The following FSTL5 variants were observed in gnomAD, a reference collection of about 807,000 sequenced individuals.
The protein encoded by FSTL5 is follistatin like 5.
In FSTL5, 62 loss-of-function variants were observed where a neutral mutation model predicts 89.1. That is an observed-to-expected ratio of 0.70 (90% CI 0.57 to 0.86). FSTL5 has a LOEUF of 0.86. FSTL5 is among the 40% of genes least tolerant of loss of function. The pLI is 0.00. For synonymous variants in FSTL5, 383 were observed against 346.2 expected, an observed-to-expected ratio of 1.11 and a Z score of -1.18; for missense variants, 1,057 against 1,001.6, an observed-to-expected ratio of 1.06 and a Z score of -0.75.
intron 3 of FSTL5, among the ~76,000 whole-genome samples, chr4:161,927,158 A>T (rs1734149902): frequency 6.6e-6 from 1 of 151,806 alleles, no homozygotes. Context: ...TCTAGATAAT[A>T]AATAGGAAAA....
chr4:161,456,430 G>A (rs993683017), intron 14 of FSTL5, among the ~76,000 whole-genome samples: 22 of 152,156 alleles, frequency 1.4e-4, no homozygotes, highest in Admixed American at 3.9e-4. Flanking sequence ...TTTTGCTTTC[G>A]TATTTGACGA....
At chr4:161,431,788 T>C (rs1004069126) in intron 15 of FSTL5, among the ~76,000 whole-genome samples, 3 of 152,008 alleles carry the variant, frequency 2.0e-5, no homozygotes, top group East Asian at 1.9e-4. Context: ...TTTCTGCCAA[T>C]GGAAACCAAT....
chr4:162,016,218 C>A (rs1400387617), intron 3 of FSTL5, among the ~76,000 whole-genome samples: 1 of 152,042 alleles, frequency 6.6e-6, no homozygotes, highest in African/African-American at 2.4e-5. Context: ...ATGGTTTTGG[C>A]CAAAACTAAA....
intron 4 of FSTL5, among the ~76,000 whole-genome samples, chr4:161,865,790 T>G (rs1732066229): frequency 6.6e-6 from 1 of 151,926 alleles, no homozygotes; most frequent in South Asian, 2.1e-4. Flanking sequence ...AGAATAGCAA[T>G]AAAAAAACTT....
At chr4:161,529,089 A>T (rs1166043617) in intron 10 of FSTL5, among the ~76,000 whole-genome samples, 1 of 143,138 alleles carries the variant, frequency 7.0e-6, no homozygotes, top group Non-Finnish European at 1.5e-5. Flanking sequence ...ATAAGAAAGC[A>T]TTATTTCTTA....
chr4:161,437,498 C>T (rs550309910), intron 15 of FSTL5, among the ~76,000 whole-genome samples: 4 of 137,864 alleles, frequency 2.9e-5, no homozygotes, highest in African/African-American at 5.4e-5. Flanking sequence ...AACCGGGAGG[C>T]GGAGCTTGCA....
intron 7 of FSTL5, among the ~76,000 whole-genome samples, chr4:161,598,002 A>G (rs1247426947): frequency 6.6e-6 from 1 of 152,222 alleles, no homozygotes; most frequent in African/African-American, 2.4e-5. Context: ...GAAAAACATG[A>G]ATAGAACTCA....
At position 162,038,056 on chromosome 4, in the gene FSTL5, T is replaced by G. The variant is rs554911333; in HGVS notation, c.127-4398A>C. Among the ~76,000 whole-genome samples, 17 of 152,038 alleles carry G rather than the reference T, an allele frequency of 1.1e-4. No homozygotes were observed. In the East Asian group the frequency reaches 2.5e-3, roughly 22 times the overall value. On this transcript the variant is annotated intron_variant, in intron 2 of 15. Transcript: ENST00000306100. ...TGTTGTTCTGTCCACACGATTCATT[T>G]GAAAAACATTCTTACATTAGGAAGA...
chr4:161,416,865 A>G (rs1031922741), intron 15 of FSTL5, among the ~76,000 whole-genome samples: 1 of 151,834 alleles, frequency 6.6e-6, no homozygotes, highest in Admixed American at 6.6e-5. Context: ...AAAAAAAGAA[A>G]GATTCTTCAT....
chr4:161,491,865 C>T (rs2126471147), intron 12 of FSTL5, among the ~76,000 whole-genome samples: 1 of 151,156 alleles, frequency 6.6e-6, no homozygotes, highest in Non-Finnish European at 1.5e-5. Context: ...AGAGAGAGAG[C>T]CAGCAAATAG....
At chr4:161,969,172 G>C (rs906070967) in intron 3 of FSTL5, among the ~76,000 whole-genome samples, 1 of 152,026 alleles carries the variant, frequency 6.6e-6, no homozygotes, top group Admixed American at 6.6e-5. Flanking sequence ...TTTAGTTTTG[G>C]TAGAGAGTAC....
chr4:161,511,211 C>T (rs1025245339), intron 10 of FSTL5, among the ~76,000 whole-genome samples: 5 of 152,124 alleles, frequency 3.3e-5, no homozygotes, highest in African/African-American at 1.2e-4. Context: ...TCATACACAG[C>T]AATTACTTCC....
At chr4:161,860,160 C>T (rs567205835) in intron 4 of FSTL5, among the ~76,000 whole-genome samples, 30 of 152,020 alleles carry the variant, frequency 2.0e-4, no homozygotes, top group South Asian at 1.2e-3. Context: ...TGGTGGCGGG[C>T]GCCTGTAGTC....
At chr4:161,606,240 A>ATTTTTTTTTTT (rs71598720) in intron 7 of FSTL5, among the ~76,000 whole-genome samples, 2 of 117,868 alleles carry the variant, frequency 1.7e-5, no homozygotes, top group Non-Finnish European at 3.4e-5. Flanking sequence ...ATTATCTGTG[A>ATTTTTTTTTTT]TTTTTTTTTT....
chr4:161,791,746 T>C (rs1579095916), intron 4 of FSTL5, among the ~76,000 whole-genome samples: 1 of 152,242 alleles, frequency 6.6e-6, no homozygotes, highest in Non-Finnish European at 1.5e-5. Flanking sequence ...GTACAGTTTC[T>C]GAGAATGAGT....
At chr4:161,597,746 T>C (rs1734078074) in intron 7 of FSTL5, among the ~76,000 whole-genome samples, 1 of 151,642 alleles carries the variant, frequency 6.6e-6, no homozygotes, top group South Asian at 2.1e-4. Flanking sequence ...GTAGACCCAA[T>C]GCAATAGGTT....
At chr4:162,110,364 A>G (rs926464635) in intron 2 of FSTL5, among the ~76,000 whole-genome samples, 2 of 151,958 alleles carry the variant, frequency 1.3e-5, no homozygotes, top group Non-Finnish European at 2.9e-5. Flanking sequence ...AGTCCCAGTA[A>G]AGATTGGCTA....
At chr4:161,733,378 G>C (rs1482682935) in intron 6 of FSTL5, among the ~76,000 whole-genome samples, 1 of 151,854 alleles carries the variant, frequency 6.6e-6, no homozygotes, top group African/African-American at 2.4e-5. Context: ...AGTCCTAGTA[G>C]CTTTTTATTT....
intron 4 of FSTL5, among the ~76,000 whole-genome samples, chr4:161,799,880 A>G (rs1295020041): frequency 6.6e-6 from 1 of 151,718 alleles, no homozygotes; most frequent in Admixed American, 6.6e-5. Context: ...CACTTGAAAT[A>G]AGGATGTTTA....
Sources: allele counts gnomAD v4.1 joint callset (sites outside exome capture counted in the v4.1 genomes callset), GRCh38; gene constraint gnomAD v4.1.1; transcripts MANE v1.5; gene names NCBI Gene and HGNC (gene_info 2026-07-23, HGNC 2026-07-21).